The following PRR16 variants were observed in gnomAD, a reference collection of about 807,000 sequenced individuals.
PRR16 encodes the protein proline rich 16.
PRR16 carries 6 observed loss-of-function variants against 18.2 expected under a neutral mutation model. The ratio of observed to expected loss-of-function variants is 0.33; its 90% CI spans 0.18 to 0.65. The LOEUF (loss-of-function observed/expected upper bound fraction) is 0.65. Ranked by LOEUF, PRR16 falls within the 30% of genes least tolerant of loss-of-function variation. PRR16 has a pLI of 0.74. For synonymous variants in PRR16, 151 were observed against 147.8 expected, an observed-to-expected ratio of 1.02 and a Z score of -0.16; for missense variants, 412 against 376.6, an observed-to-expected ratio of 1.09 and a Z score of -0.78.
chr5:120,652,955 C>A (rs1413771581), intron 1 of PRR16, among the ~76,000 whole-genome samples: 2 of 151,838 alleles, frequency 1.3e-5, no homozygotes, highest in Non-Finnish European at 2.9e-5. Context: ...TAAAAATGTT[C>A]TAAAATAAAA....
chr5:120,667,172 C>T (rs1756410929), intron 1 of PRR16, among the ~76,000 whole-genome samples: 3 of 151,942 alleles, frequency 2.0e-5, no homozygotes, highest in Non-Finnish European at 2.9e-5. Context: ...TCAACTTCTT[C>T]CTGGTTTAGT....
chr5:120,478,354 G>C (rs1749507862), intron 1 of PRR16, among the ~76,000 whole-genome samples: 1 of 152,108 alleles, frequency 6.6e-6, no homozygotes, highest in Non-Finnish European at 1.5e-5. Context: ...GGGAGCTCTT[G>C]TTTCTCCTAC....
At chr5:120,712,146 G>C in the PRR16 span, among the ~76,000 whole-genome samples, 3 of 152,086 alleles carry the variant, frequency 2.0e-5, no homozygotes, top group East Asian at 5.8e-4. Flanking sequence ...CGTATACATA[G>C]TGAAATGCTT....
At chr5:120,753,386 G>T in the PRR16 span, among the ~76,000 whole-genome samples, 1 of 151,906 alleles carries the variant, frequency 6.6e-6, no homozygotes, top group East Asian at 1.9e-4. Flanking sequence ...AGGAAGAACA[G>T]GTACGTAACT....
the PRR16 span, among the ~76,000 whole-genome samples, chr5:120,776,259 C>A: frequency 6.6e-6 from 1 of 152,106 alleles, no homozygotes; most frequent in Non-Finnish European, 1.5e-5. Context: ...AAGTCTTTTC[C>A]AGTTCCCCAA....
chr5:120,594,728 C>CA (rs1753746575), intron 1 of PRR16, among the ~76,000 whole-genome samples: 1 of 151,976 alleles, frequency 6.6e-6, no homozygotes. Context: ...CTACAGTAGC[C>CA]AAAACAGCAT....
intron 1 of PRR16, among the ~76,000 whole-genome samples, chr5:120,555,332 C>G (rs974548371): frequency 6.6e-6 from 1 of 151,862 alleles, no homozygotes; most frequent in Admixed American, 6.6e-5. Context: ...GACCTGTCAG[C>G]TTAGGCTGCC....
intron 1 of PRR16, among the ~76,000 whole-genome samples, chr5:120,590,471 T>C (rs1308455738): frequency 6.7e-6 from 1 of 148,758 alleles, no homozygotes; most frequent in Non-Finnish European, 1.5e-5. Flanking sequence ...CTGTTGTGAT[T>C]GGCAATATTT....
chr5:120,670,043 C>T (rs973948515), intron 1 of PRR16, among the ~76,000 whole-genome samples: 2 of 151,964 alleles, frequency 1.3e-5, no homozygotes, highest in Non-Finnish European at 2.9e-5. Flanking sequence ...TATGTAATGT[C>T]TTTGATGCAC....
chr5:120,762,229 T>C, the PRR16 span, among the ~76,000 whole-genome samples: 1 of 152,138 alleles, frequency 6.6e-6, no homozygotes, highest in Non-Finnish European at 1.5e-5. Flanking sequence ...TGGATAAATA[T>C]CCAGCAGTGG....
chr5:120,545,357 A>G (rs1752043015), intron 1 of PRR16, among the ~76,000 whole-genome samples: 1 of 152,118 alleles, frequency 6.6e-6, no homozygotes, highest in African/African-American at 2.4e-5. Flanking sequence ...TTTGAAATAA[A>G]TCAGTGTTCT....
chr5:120,640,237 C>T (rs1418704189), intron 1 of PRR16, among the ~76,000 whole-genome samples: 1 of 151,970 alleles, frequency 6.6e-6, no homozygotes, highest in Admixed American at 6.6e-5. Context: ...ATACCTCGTA[C>T]CTCAGCAACA....
chr5:120,534,466 T>A (rs193226074), intron 1 of PRR16, among the ~76,000 whole-genome samples: 1 of 152,218 alleles, frequency 6.6e-6, no homozygotes, highest in African/African-American at 2.4e-5. Context: ...GTCTAACAAC[T>A]GTTTTACACT....
At chr5:120,770,128 A>G in the PRR16 span, among the ~76,000 whole-genome samples, 1 of 151,952 alleles carries the variant, frequency 6.6e-6, no homozygotes, top group Non-Finnish European at 1.5e-5. Context: ...AAAAGACCCA[A>G]AATAGCCTAC....
intron 1 of PRR16, among the ~76,000 whole-genome samples, chr5:120,541,097 A>G (rs1751899340): frequency 6.6e-6 from 1 of 152,152 alleles, no homozygotes; most frequent in Non-Finnish European, 1.5e-5. Context: ...GAGGTAATAC[A>G]GACTAGATAT....
chr5:120,502,280 C>T (rs1750487245), intron 1 of PRR16, among the ~76,000 whole-genome samples: 1 of 150,288 alleles, frequency 6.7e-6, no homozygotes. Flanking sequence ...TTATTCTATT[C>T]TTGTTTTTCA....
At chr5:120,478,309 T>A (rs2112807211) in intron 1 of PRR16, among the ~76,000 whole-genome samples, 1 of 152,314 alleles carries the variant, frequency 6.6e-6, no homozygotes, top group East Asian at 1.9e-4. Flanking sequence ...TCTTCTTGCC[T>A]AATATATATG....
intron 1 of PRR16, among the ~76,000 whole-genome samples, chr5:120,506,557 C>T (rs561279298): frequency 6.6e-6 from 1 of 152,024 alleles, no homozygotes; most frequent in East Asian, 1.9e-4. Flanking sequence ...TGGGTAAAAG[C>T]CATTTTAACC....
the PRR16 span, among the ~76,000 whole-genome samples, chr5:120,747,263 T>A: frequency 3.9e-5 from 6 of 152,194 alleles, no homozygotes. Flanking sequence ...CGTTTAACAG[T>A]TGATTAACTG....
Sources: allele counts gnomAD v4.1 joint callset (sites outside exome capture counted in the v4.1 genomes callset), GRCh38; gene constraint gnomAD v4.1.1; transcripts MANE v1.5; gene names NCBI Gene and HGNC (gene_info 2026-07-23, HGNC 2026-07-21).